Variants in ELL observed in about 807,000 individuals in gnomAD.
ELL encodes RNA polymerase II elongation factor ELL.
ELL carries 18 observed loss-of-function variants against 64.0 expected under a neutral mutation model. That is an observed-to-expected ratio of 0.28 (90% CI 0.19 to 0.42). The LOEUF (loss-of-function observed/expected upper bound fraction) is 0.42. ELL is among the 10% of genes least tolerant of loss of function. The pLI, the probability that ELL is intolerant of heterozygous loss-of-function variation, is 1.00. For missense variants in ELL, 797 were observed against 870.4 expected (o/e 0.92, Z 1.06); for synonymous variants, 399 against 376.2 (o/e 1.06, Z -0.70).
At position 18,446,828 on chromosome 19, in the gene ELL, C is replaced by T. The variant is rs1456377886; in HGVS notation, c.1466-14G>A. Reference sequence around the variant, plus strand: ...TTCCGTTTAAACCTACGAGAGCAAACACATACCTCCTGAGTCTGCGCCCAT... The same window carrying T: ...TTCCGTTTAAACCTACGAGAGCAAATACATACCTCCTGAGTCTGCGCCCAT... On this transcript the variant is annotated splice_polypyrimidine_tract_variant and intron_variant, in intron 8 of 11. Transcript: ENST00000262809. The T allele has an allele frequency of 6.2e-7, 1 of 1,613,756 alleles. No individual in the cohort carries two copies. The highest frequency in any genetic ancestry group is 1.3e-5 in the African/African-American group (1 of 74,848).
intron 5 of ELL, among the ~76,000 whole-genome samples, chr19:18,459,325 T>C (rs1974752558): frequency 6.6e-6 from 1 of 152,146 alleles, no homozygotes; most frequent in South Asian, 2.1e-4. Context: ...TAAGTTCGTC[T>C]CCCAGACTGC....
intron 1 of ELL, among the ~76,000 whole-genome samples, chr19:18,490,458 G>A (rs1180946024): frequency 6.6e-6 from 1 of 152,120 alleles, no homozygotes; most frequent in African/African-American, 2.4e-5. Context: ...TGTCCTCCCC[G>A]CAGCGGGAGC....
At position 18,461,691 on chromosome 19, in the gene ELL, C is replaced by G; in HGVS notation, c.631G>C (p.Val211Leu). The G allele has an allele frequency of 6.2e-7, 1 of 1,613,546 alleles. No individual in the cohort carries two copies. Among genetic ancestry groups the G allele is most frequent in the African/African-American group, 1.3e-5 (1 of 75,060 alleles). Residue 211 changes from valine (V) to leucine (L), a missense_variant, in exon 5 of 12, where the codon GTG becomes CTG. By Grantham distance (32) the Val-to-Leu change is conservative. Transcript: ENST00000262809. Reference sequence around the variant, plus strand: ...GGCCGTAGTGCCAGGAGGTGCAGCACTCGGTCACGGAAGGGCCTCTGGGAC... The same window carrying G: ...GGCCGTAGTGCCAGGAGGTGCAGCAGTCGGTCACGGAAGGGCCTCTGGGAC... ...GVSQRPFRDR[V>L]LHLLALRPYR...
At chr19:18,470,325 G>A (rs923619569) in intron 2 of ELL, among the ~76,000 whole-genome samples, 1 of 152,258 alleles carries the variant, frequency 6.6e-6, no homozygotes, top group African/African-American at 2.4e-5. Flanking sequence ...CGCTGAGATG[G>A]GGGTTGGGGA....
chr19:18,444,588 C>G lies in ELL; in HGVS notation c.*164G>C. ...GAAGCGCAGGGAGGGCCGAGGTGGG[C>G]TTGCAGCCACCCGCCAGGGCCAGAC... is the stretch of plus-strand genomic sequence containing the variant. On this transcript the variant is annotated 3_prime_UTR_variant, in exon 12 of 12. Coordinates refer to ENST00000262809, the MANE Select transcript of ELL (RefSeq NM_006532.4). The G allele has an allele frequency of 2.9e-6, 2 of 692,760 alleles. No homozygotes were observed. Among genetic ancestry groups the G allele is most frequent in the South Asian group, 3.9e-5 (2 of 51,260 alleles). 42.9% of individuals were successfully genotyped at this position (692,760 alleles called of 1,614,324 possible).
chr19:18,517,327 G>A (rs1038409274), intron 1 of ELL, among the ~76,000 whole-genome samples: 4 of 152,104 alleles, frequency 2.6e-5, no homozygotes, highest in African/African-American at 9.7e-5. Flanking sequence ...GTGCGATCTC[G>A]GTTCACTGCA....
At chr19:18,516,207 T>C (rs1390022789) in intron 1 of ELL, among the ~76,000 whole-genome samples, 1 of 152,032 alleles carries the variant, frequency 6.6e-6, no homozygotes, top group Non-Finnish European at 1.5e-5. Context: ...CCCACCCACT[T>C]AGCAGCAGAC....
At position 18,449,573 on chromosome 19, in the gene ELL, G is replaced by C. The variant is rs759628475; in HGVS notation, c.1465+904C>G. 3.9e-5 allele frequency among the ~76,000 whole-genome samples: 6 copies of C among 152,160 alleles called. No homozygotes were observed. The highest frequency in any genetic ancestry group is 8.8e-5 in the Non-Finnish European group (6 of 68,010). ...CCTCTGAGCAACGCAAAGCTATAAT[G>C]AAAGAAGGGCTCCCACCCTCATCCC... On this transcript the variant is annotated intron_variant, in intron 8 of 11. Transcript: ENST00000262809. This position sits in a 1 kb window ranked among gnomAD's most constrained non-coding sequence, Gnocchi z 4.4.
chr19:18,473,468 T>C (rs1476009040), intron 1 of ELL, among the ~76,000 whole-genome samples: 1 of 152,200 alleles, frequency 6.6e-6, no homozygotes, highest in Non-Finnish European at 1.5e-5. Context: ...TGGGGCCACC[T>C]TGGAGCCTGG....
At chr19:18,499,941 G>A (rs1975746012) in intron 1 of ELL, among the ~76,000 whole-genome samples, 1 of 152,166 alleles carries the variant, frequency 6.6e-6, no homozygotes, top group Non-Finnish European at 1.5e-5. Flanking sequence ...TATTTAGCAA[G>A]GTGAGAGCAA....
chr19:18,476,932 G>A (rs929433387), intron 1 of ELL, among the ~76,000 whole-genome samples: 5 of 152,142 alleles, frequency 3.3e-5, no homozygotes, highest in Non-Finnish European at 5.9e-5. Context: ...GCGGACCATC[G>A]GGCAGGGACC....
chr19:18,510,754 G>T (rs922796135), intron 1 of ELL, among the ~76,000 whole-genome samples: 3 of 152,188 alleles, frequency 2.0e-5, no homozygotes, highest in African/African-American at 7.2e-5. Flanking sequence ...CCTTGTGCAC[G>T]GCTGGTGGGA....
At chr19:18,495,662 G>A (rs34256197) in intron 1 of ELL, among the ~76,000 whole-genome samples, 70,695 of 152,052 alleles carry the variant, frequency 0.46, 19,079 homozygotes, top group African/African-American at 0.76. Flanking sequence ...CTGAGGAGAA[G>A]AGGAGGAGCC....
rs1040137667 is a variant in ELL at position 18,443,980 on chromosome 19, C to T, written c.*772G>A. 1 of 232,466 alleles carries T rather than the reference C, an allele frequency of 4.3e-6. No homozygotes were observed. Among genetic ancestry groups the T allele is most frequent in the Admixed American group, 5.6e-5 (1 of 17,736 alleles). The allele number at this position is 232,466 out of a possible 1,614,324, so 14.4% of individuals were successfully genotyped here. On this transcript the variant is annotated 3_prime_UTR_variant, in exon 12 of 12. Coordinates refer to ENST00000262809, the MANE Select transcript of ELL (RefSeq NM_006532.4). ...TGACGCCGCTGCGGCCGAGTCTCAA[C>T]TTGGAGCACAGAAACACAGTGGCCC...
At chr19:18,472,433 T>C (rs76668818) in intron 2 of ELL, 3,776 of 211,944 alleles carry the variant, frequency 0.018, 54 homozygotes, top group Non-Finnish European at 0.023. Flanking sequence ...CCTGTAAGAA[T>C]CTAATAACAG....
At chr19:18,470,888 C>A (rs1328148216) in intron 2 of ELL, 1 of 452,938 alleles carries the variant, frequency 2.2e-6, no homozygotes, top group Non-Finnish European at 4.4e-6. Context: ...GTCGTCTGAG[C>A]CCACTGCTTG....
intron 1 of ELL, among the ~76,000 whole-genome samples, chr19:18,504,033 T>C (rs1287957720): frequency 6.6e-6 from 1 of 152,214 alleles, no homozygotes; most frequent in Admixed American, 6.5e-5. Context: ...CACTGACTCC[T>C]CGGCATCCAG....
chr19:18,485,247 G>T (rs916977791), intron 1 of ELL, among the ~76,000 whole-genome samples: 11 of 152,124 alleles, frequency 7.2e-5, no homozygotes, highest in African/African-American at 2.2e-4. Context: ...TCCCCAGGAG[G>T]CCCCTCCAGG....
At chr19:18,486,564 G>C (rs1299702676) in intron 1 of ELL, among the ~76,000 whole-genome samples, 1 of 152,210 alleles carries the variant, frequency 6.6e-6, no homozygotes, top group Non-Finnish European at 1.5e-5. Flanking sequence ...GCGGTTCTGA[G>C]AAGGGAGCCT....
Sources: gnomAD v4.1 joint callset for allele counts (sites outside exome capture counted in the v4.1 genomes callset) on GRCh38, gnomAD v4.1.1 for gene constraint, Gnocchi (gnomAD v3.1) non-coding constraint, MANE v1.5 for transcripts, NCBI Gene and HGNC (gene_info 2026-07-23, HGNC 2026-07-21) for gene names.